The following TRIO variants were observed in gnomAD, a reference collection of about 807,000 sequenced individuals.
The protein encoded by TRIO is trio Rho guanine nucleotide exchange factor.
TRIO carries 58 observed loss-of-function variants against 351.9 expected under a neutral mutation model. The ratio of observed to expected loss-of-function variants is 0.16; its 90% CI spans 0.13 to 0.21. The LOEUF (loss-of-function observed/expected upper bound fraction) is 0.21. Among genes scored for constraint, TRIO ranks in the 10% least tolerant of loss-of-function variants. TRIO has a pLI of 1.00. For missense variants in TRIO, 3,201 were observed against 4,027.8 expected (o/e 0.79, Z 5.56); for synonymous variants, 1,758 against 1,595.7 (o/e 1.10, Z -2.42).
intron 30 of TRIO, chr5:14,399,303 G>T (rs1747871804): frequency 1.9e-6 from 1 of 516,836 alleles, no homozygotes; most frequent in East Asian, 2.9e-5. Context: ...CTTAAATCCT[G>T]TATCATATAA....
chr5:14,182,786 G>T (rs186114114), intron 1 of TRIO, among the ~76,000 whole-genome samples: 49 of 151,926 alleles, frequency 3.2e-4, no homozygotes, highest in Non-Finnish European at 5.3e-4. Context: ...TGAATTTGGA[G>T]TTCTGATGAT....
intron 21 of TRIO, among the ~76,000 whole-genome samples, chr5:14,384,158 C>A (rs1354579272): frequency 6.6e-6 from 1 of 152,144 alleles, no homozygotes; most frequent in East Asian, 1.9e-4. Flanking sequence ...GTGAGGCCTG[C>A]GGATGAGCAT....
At chr5:14,378,779 C>T (rs1268624372) in intron 20 of TRIO, among the ~76,000 whole-genome samples, 5 of 152,054 alleles carry the variant, frequency 3.3e-5, no homozygotes, top group African/African-American at 1.2e-4. Context: ...AGCCTGGTCT[C>T]GAACTCCTGA....
In TRIO at chr5:14,481,574, C is replaced by A. The variant is rs751465413; in HGVS notation, c.6421C>A (p.Arg2141=). 1.2e-6 allele frequency: 2 copies of A among 1,613,902 alleles called. No homozygotes were observed. The highest frequency in any genetic ancestry group is 3.3e-5 in the Admixed American group (2 of 59,988). Residue 2141 remains arginine (R), a synonymous_variant, in exon 45 of 57, where the codon CGG becomes AGG. Transcript: ENST00000344204. ...AVEVMCIVPR[R]CNDMMNVGRL... is the part of the protein sequence containing the mutation. ...GGAAGTCATGTGCATAGTACCCAGGCGGTGCAACGACATGATGAACGTGGG... is the reference window on the plus strand; with the variant it reads ...GGAAGTCATGTGCATAGTACCCAGGAGGTGCAACGACATGATGAACGTGGG...
chr5:14,225,696 C>T (rs1792948315), intron 1 of TRIO, among the ~76,000 whole-genome samples: 2 of 151,984 alleles, frequency 1.3e-5, no homozygotes, highest in Non-Finnish European at 2.9e-5. Context: ...CTTGATGAGT[C>T]AGGCCCACCA....
intron 1 of TRIO, among the ~76,000 whole-genome samples, chr5:14,210,403 G>C (rs1030853016): frequency 3.9e-5 from 6 of 152,200 alleles, no homozygotes; most frequent in Admixed American, 1.3e-4. Context: ...TGATCCCCAT[G>C]GGGACCTATT....
chr5:14,368,910 A>G lies in TRIO; in HGVS notation c.3066+11A>G. On this transcript the variant is annotated intron_variant, in intron 17 of 56. Transcript: ENST00000344204. ...AAAACCTCAGAGCAGGTCAGGGGAG[A>G]GGTTCCCTTCCTTGAACTCCACTGA... 1 of 1,608,382 alleles carries G rather than the reference A, an allele frequency of 6.2e-7. No homozygotes were observed. The highest frequency in any genetic ancestry group is 1.7e-5 in the Admixed American group (1 of 59,706).
At chr5:14,262,574 C>A (rs1045797148) in intron 1 of TRIO, among the ~76,000 whole-genome samples, 1 of 151,890 alleles carries the variant, frequency 6.6e-6, no homozygotes, top group Admixed American at 6.6e-5. Flanking sequence ...AGAATGCATT[C>A]GAGGGAATTA....
At chr5:14,496,826 A>G in intron 49 of TRIO, 53 bp from the exon 50 acceptor site, 2 of 1,598,576 alleles carry the variant, frequency 1.3e-6, no homozygotes, top group Non-Finnish European at 1.7e-6. Flanking sequence ...TCCAGGCAGC[A>G]CTTGGTGAAT....
intron 49 of TRIO, among the ~76,000 whole-genome samples, chr5:14,495,130 T>C (rs1339904468): frequency 6.6e-6 from 1 of 152,212 alleles, no homozygotes; most frequent in Non-Finnish European, 1.5e-5. Flanking sequence ...CTTTGAAGGT[T>C]TTAAGACTTC....
At chr5:14,418,268 T>C (rs1418201299) in intron 33 of TRIO, among the ~76,000 whole-genome samples, 1 of 152,120 alleles carries the variant, frequency 6.6e-6, no homozygotes, top group Admixed American at 6.5e-5. Context: ...TTGCCTCCTA[T>C]GCTAAGGCCT....
Position 14,509,709 on chromosome 5 carries a change from A to C in TRIO, c.*1287A>C, listed in dbSNP as rs1196201507. ...AAGCACTGGCCGCCCCGCGGCTGGT[A>C]CCCAATGCCCGAGTCACTGTGGCAG... is the stretch of plus-strand genomic sequence containing the variant. On this transcript the variant is annotated 3_prime_UTR_variant, in exon 57 of 57. Coordinates refer to ENST00000344204, the MANE Select transcript of TRIO (RefSeq NM_007118.4). The C allele has an allele frequency of 3.1e-6, 1 of 322,360 alleles. No individual in the cohort carries two copies. The highest frequency in any genetic ancestry group is 6.0e-6 in the Non-Finnish European group (1 of 167,926). The allele number at this position is 322,360 out of a possible 1,614,324, so 20.0% of individuals were successfully genotyped here. A position where few individuals can be genotyped will look rare whatever the true frequency, so the allele number is the denominator to read the frequency against.
At chr5:14,429,017 A>G (rs1750877969) in intron 34 of TRIO, among the ~76,000 whole-genome samples, 1 of 152,214 alleles carries the variant, frequency 6.6e-6, no homozygotes, top group Non-Finnish European at 1.5e-5. Flanking sequence ...TACTTAGTAC[A>G]CAAACGGGGT....
intron 45 of TRIO, chr5:14,482,312 G>C (rs1254002423): frequency 8.4e-6 from 2 of 238,360 alleles, no homozygotes; most frequent in African/African-American, 4.5e-5. Context: ...CACTGTTCTA[G>C]TATAAACCAG....
chr5:14,488,065 G>GC lies in TRIO; in HGVS notation c.7438dup (p.Gln2480ProfsTer45). 1 of 1,609,946 alleles carries GC rather than the reference G, an allele frequency of 6.2e-7. No individual in the cohort carries two copies. The highest frequency in any genetic ancestry group is 8.5e-7 in the Non-Finnish European group (1 of 1,179,026). On this transcript the variant is annotated frameshift_variant, in exon 48 of 57. Transcript: ENST00000344204. LOFTEE classifies it high-confidence loss of function. ...AGCCCTTCCCCCCCAGCAGCCCCCT[G>GC]CAGAAGGGGGGCTCCTTCTGGAGCT...
intron 1 of TRIO, among the ~76,000 whole-genome samples, chr5:14,260,660 TTGTG>T (rs1456534045): frequency 2.0e-5 from 3 of 152,196 alleles, no homozygotes; most frequent in Non-Finnish European, 4.4e-5. Flanking sequence ...TGATGTTTGT[TTGTG>T]GCATTTACTT....
chr5:14,187,749 G>A (rs1256081012), intron 1 of TRIO, among the ~76,000 whole-genome samples: 1 of 152,128 alleles, frequency 6.6e-6, no homozygotes, highest in East Asian at 1.9e-4. Context: ...AGTGATTATT[G>A]TTATTTAGGT....
chr5:14,249,222 G>A (rs1337178770), intron 1 of TRIO, among the ~76,000 whole-genome samples: 2 of 152,250 alleles, frequency 1.3e-5, no homozygotes, highest in African/African-American at 4.8e-5. Flanking sequence ...GATTTGGAAA[G>A]GTTGAAAATG....
chr5:14,278,702 A>G (rs1284195039), intron 2 of TRIO, among the ~76,000 whole-genome samples: 1 of 152,242 alleles, frequency 6.6e-6, no homozygotes, highest in Non-Finnish European at 1.5e-5. Context: ...GGTATTCCAA[A>G]AAATTAGAGC....
Sources: allele counts gnomAD v4.1 joint callset (sites outside exome capture counted in the v4.1 genomes callset), GRCh38; gene constraint gnomAD v4.1.1; transcripts MANE v1.5; gene names NCBI Gene and HGNC (gene_info 2026-07-23, HGNC 2026-07-21).